Variants in TMEM132D observed in about 807,000 individuals in gnomAD.
The protein encoded by TMEM132D is mature OL transmembrane protein.
TMEM132D carries 21 observed loss-of-function variants against 62.3 expected under a neutral mutation model. The ratio of observed to expected loss-of-function variants is 0.34; its 90% CI spans 0.24 to 0.49. The LOEUF is 0.49. Ranked by LOEUF, TMEM132D falls within the 20% of genes least tolerant of loss-of-function variation. The probability of loss-of-function intolerance (pLI) is 0.99; values close to 1 mark genes in which losing one functional copy is unlikely to be tolerated. For missense variants in TMEM132D, 1,346 were observed against 1,402.8 expected, an observed-to-expected ratio of 0.96 and a Z score of 0.65; for synonymous variants, 621 against 575.6, an observed-to-expected ratio of 1.08 and a Z score of -1.13.
intron 3 of TMEM132D, among the ~76,000 whole-genome samples, chr12:129,476,721 A>AT: frequency 6.6e-6 from 1 of 152,296 alleles, no homozygotes; most frequent in Non-Finnish European, 1.5e-5. Flanking sequence ...GCTGGAGTGC[A>AT]TTGTAGGATG....
chr12:129,731,693 C>T (rs557015390), intron 1 of TMEM132D, among the ~76,000 whole-genome samples: 1 of 151,160 alleles, frequency 6.6e-6, no homozygotes, highest in Non-Finnish European at 1.5e-5. Context: ...GACGGAGTCT[C>T]GCTCTGTCGC....
intron 3 of TMEM132D, among the ~76,000 whole-genome samples, chr12:129,490,627 G>C (rs1219427068): frequency 6.0e-5 from 2 of 33,600 alleles, no homozygotes; most frequent in East Asian, 1.7e-3. Context: ...TTTTTTTTTT[G>C]TATTTTTAGT....
intron 5 of TMEM132D, among the ~76,000 whole-genome samples, chr12:129,143,888 A>T (rs1203234457): frequency 6.6e-6 from 1 of 152,012 alleles, no homozygotes. Context: ...TGCCCTTCAG[A>T]GTGAGGTGAG....
In TMEM132D at chr12:129,571,864, T is replaced by TA. The variant is rs556627684; in HGVS notation, c.969-40660dup. 9.9e-4 allele frequency among the ~76,000 whole-genome samples: 151 copies of TA among 151,940 alleles called. 1 individual carries two copies. Among genetic ancestry groups the TA allele is most frequent in the Non-Finnish European group, 1.4e-3 (93 of 67,958 alleles). The stretch of plus-strand genomic sequence containing the variant: ...TTGTGAATAAGGAAAAGTTTTTTTT[T>TA]AAAAAAAGCAAAAGCTCCTTCCTGA... On this transcript the variant is annotated intron_variant, in intron 2 of 8. Coordinates refer to ENST00000422113, the MANE Select transcript of TMEM132D (RefSeq NM_133448.3).
intron 1 of TMEM132D, among the ~76,000 whole-genome samples, chr12:129,828,993 A>G (rs1872749677): frequency 1.3e-5 from 2 of 151,900 alleles, no homozygotes; most frequent in Admixed American, 1.3e-4. Context: ...ATTAATTGCA[A>G]GAAGCCAGTG....
At chr12:129,391,772 T>C (rs1293915343) in intron 3 of TMEM132D, among the ~76,000 whole-genome samples, 1 of 152,242 alleles carries the variant, frequency 6.6e-6, no homozygotes, top group Non-Finnish European at 1.5e-5. Flanking sequence ...TTTTTATTTT[T>C]TTTAGATAGA....
At chr12:129,636,732 G>GTC (rs1242874709) in intron 2 of TMEM132D, among the ~76,000 whole-genome samples, 23 of 135,396 alleles carry the variant, frequency 1.7e-4, no homozygotes, top group African/African-American at 6.1e-4. Context: ...GTGTGTGTGT[G>GTC]TGTGTGAGAG....
rs544168589 is a variant in TMEM132D, at chr12:129,796,785, G to A, written c.80-96087C>T. ...AGGAGAAATACCTGATGTAGATGAC[G>A]AGTTGATGGGTGCAGCAAACCACCA... On this transcript the variant is annotated intron_variant, in intron 1 of 8. Transcript: ENST00000422113. Among the ~76,000 whole-genome samples, 16 of 152,214 alleles carry A rather than the reference G, an allele frequency of 1.1e-4. 1 individual carries two copies. The highest frequency in any genetic ancestry group is 5.9e-4 in the Admixed American group (9 of 15,282).
intron 3 of TMEM132D, among the ~76,000 whole-genome samples, chr12:129,437,855 C>T (rs7973174): frequency 0.15 from 22,257 of 150,930 alleles, 1,821 homozygotes; most frequent in South Asian, 0.27. Flanking sequence ...CCGTCATCTA[C>T]ATTAGGTATT....
At chr12:129,573,110 T>C (rs1300543739) in intron 2 of TMEM132D, among the ~76,000 whole-genome samples, 2 of 152,146 alleles carry the variant, frequency 1.3e-5, no homozygotes, top group East Asian at 3.9e-4. Flanking sequence ...TGTGTCGTGG[T>C]GCTAGGTGAC....
intron 3 of TMEM132D, among the ~76,000 whole-genome samples, chr12:129,467,843 CA>C (rs1873961212): frequency 6.6e-6 from 1 of 152,106 alleles, no homozygotes; most frequent in Admixed American, 6.5e-5. Flanking sequence ...GCTCAGAAGG[CA>C]ATGGAAGGCC....
Position 129,424,020 on chromosome 12 carries a change from G to A in TMEM132D, c.1116-86203C>T, listed in dbSNP as rs184344112. 1.7e-3 allele frequency among the ~76,000 whole-genome samples: 265 copies of A among 152,116 alleles called. 1 individual carries two copies. Among genetic ancestry groups the A allele is most frequent in the Non-Finnish European group, 2.6e-3 (174 of 67,988 alleles). ...AAAATTTTCCAGCCTTTTGTTACCCGTTCAGCAAAGAAGCCTTTATTGTCT... is the reference window on the plus strand; with the variant it reads ...AAAATTTTCCAGCCTTTTGTTACCCATTCAGCAAAGAAGCCTTTATTGTCT... On this transcript the variant is annotated intron_variant, in intron 3 of 8. Transcript: ENST00000422113.
chr12:129,519,670 G>A (rs1242608204), intron 3 of TMEM132D, among the ~76,000 whole-genome samples: 1 of 151,004 alleles, frequency 6.6e-6, no homozygotes, highest in Non-Finnish European at 1.5e-5. Flanking sequence ...GTCCAGTGGT[G>A]CAATCTCGGC....
chr12:129,256,502 C>T (rs1332077432), intron 4 of TMEM132D, among the ~76,000 whole-genome samples: 1 of 152,002 alleles, frequency 6.6e-6, no homozygotes, highest in African/African-American at 2.4e-5. Flanking sequence ...CTCATGGCAA[C>T]CTCCGCCTCC....
At chr12:129,226,202 G>A (rs938111797) in intron 4 of TMEM132D, among the ~76,000 whole-genome samples, 2 of 152,216 alleles carry the variant, frequency 1.3e-5, no homozygotes, top group Admixed American at 6.5e-5. Flanking sequence ...GGAGGCTTGC[G>A]ATAAGAAAGG....
intron 3 of TMEM132D, among the ~76,000 whole-genome samples, chr12:129,363,686 A>G (rs991518807): frequency 6.6e-6 from 1 of 152,238 alleles, no homozygotes; most frequent in Non-Finnish European, 1.5e-5. Context: ...TGATCAATAC[A>G]TAATTGTGTT....
At chr12:129,789,383 C>A (rs1478062097) in intron 1 of TMEM132D, among the ~76,000 whole-genome samples, 1 of 152,090 alleles carries the variant, frequency 6.6e-6, no homozygotes, top group Non-Finnish European at 1.5e-5. Flanking sequence ...AGGTTGCTAC[C>A]CATAGGAAAA....
At chr12:129,171,388 T>C (rs1403289204) in intron 5 of TMEM132D, among the ~76,000 whole-genome samples, 2 of 152,156 alleles carry the variant, frequency 1.3e-5, no homozygotes, top group Non-Finnish European at 2.9e-5. Context: ...AGTCATCTAG[T>C]GGGGCTGGAA....
chr12:129,272,571 T>C (rs142285800), intron 4 of TMEM132D, among the ~76,000 whole-genome samples: 13 of 152,016 alleles, frequency 8.6e-5, no homozygotes, highest in African/African-American at 3.2e-4. Context: ...TTTTTATATG[T>C]GTTGGCTGCA....
Sources: allele counts gnomAD v4.1 joint callset (sites outside exome capture counted in the v4.1 genomes callset), GRCh38; gene constraint gnomAD v4.1.1; transcripts MANE v1.5; gene names NCBI Gene and HGNC (gene_info 2026-07-23, HGNC 2026-07-21).